Variants in BCAS3 observed in about 807,000 individuals in gnomAD.
The protein encoded by BCAS3 is BCAS3 microtubule associated cell migration factor, also known as BCAS4/BCAS3 fusion.
In BCAS3, 53 loss-of-function variants were observed where a neutral mutation model predicts 116.1. That is an observed-to-expected ratio of 0.46 (90% confidence interval 0.37 to 0.57). The LOEUF (loss-of-function observed/expected upper bound fraction) is 0.57, where lower values mean the gene tolerates loss of function less well. BCAS3 is among the 20% of genes least tolerant of loss of function. The probability of loss-of-function intolerance (pLI) is 0.00; values close to 1 mark genes in which losing one functional copy is unlikely to be tolerated. For synonymous variants in BCAS3, 391 were observed against 408.2 expected, an observed-to-expected ratio of 0.96 and a Z score of 0.51; for missense variants, 917 against 1,165.4, an observed-to-expected ratio of 0.79 and a Z score of 3.10.
intron 2 of BCAS3, among the ~76,000 whole-genome samples, chr17:60,680,697 G>T (rs567139370): frequency 6.6e-6 from 1 of 151,130 alleles, no homozygotes; most frequent in African/African-American, 2.4e-5. Context: ...GTGCAGTGGC[G>T]CCGTCTCGGC....
intron 22 of BCAS3, among the ~76,000 whole-genome samples, chr17:61,232,405 G>A (rs2082741640): frequency 6.6e-6 from 1 of 151,974 alleles, no homozygotes; most frequent in African/African-American, 2.4e-5. Context: ...AAAAGGTGGG[G>A]GGTGGGGAGT....
At chr17:61,253,081 G>A (rs986729068) in intron 22 of BCAS3, among the ~76,000 whole-genome samples, 3 of 151,222 alleles carry the variant, frequency 2.0e-5, no homozygotes, top group African/African-American at 7.3e-5. Context: ...CCACCATGTT[G>A]ACCAGGCTGG....
chr17:61,054,483 C>T (rs1426146752), intron 19 of BCAS3, among the ~76,000 whole-genome samples: 2 of 152,206 alleles, frequency 1.3e-5, no homozygotes, highest in Non-Finnish European at 2.9e-5. Context: ...TCTCGTGCCT[C>T]AGCCTCCTAA....
Position 60,989,961 on chromosome 17 carries a change from T to C in BCAS3, c.1222-10T>C. 3 of 1,607,060 alleles carry C rather than the reference T, an allele frequency of 1.9e-6. No individual in the cohort carries two copies. The highest frequency in any genetic ancestry group is 2.6e-6 in the Non-Finnish European group (3 of 1,174,604). ...AGACATTTTTGTATCTTTTCTTATCTCATTTCTAGGTACAGGACATCTGCT... is the reference window on the plus strand; with the variant it reads ...AGACATTTTTGTATCTTTTCTTATCCCATTTCTAGGTACAGGACATCTGCT... On this transcript the variant is annotated splice_polypyrimidine_tract_variant and intron_variant, in intron 14 of 23. Coordinates refer to ENST00000407086, the MANE Select transcript of BCAS3 (RefSeq NM_017679.5).
intron 4 of BCAS3, among the ~76,000 whole-genome samples, chr17:60,692,441 A>T (rs1422673029): frequency 6.6e-6 from 1 of 152,012 alleles, no homozygotes; most frequent in African/African-American, 2.4e-5. Flanking sequence ...ACGGGGTTTC[A>T]TCATGTTAGC....
In BCAS3 at chr17:61,169,659, A is replaced by T. The variant is rs1051205674; in HGVS notation, c.2425+85095A>T. Among the ~76,000 whole-genome samples, 23 of 152,176 alleles carry T rather than the reference A, an allele frequency of 1.5e-4. 1 individual carries two copies. The highest frequency in any genetic ancestry group is 5.5e-4 in the African/African-American group (23 of 41,448). ...TAAACAGAAAGTCAGAAAAATTGTT[A>T]TACTTTTTCATTTGTTAAACATATT... is the stretch of plus-strand genomic sequence containing the variant. On this transcript the variant is annotated intron_variant, in intron 22 of 23. Coordinates refer to ENST00000407086, the MANE Select transcript of BCAS3 (RefSeq NM_017679.5).
Position 61,259,368 on chromosome 17 carries a change from A to G in BCAS3, c.2426-108959A>G, listed in dbSNP as rs2049020391. On this transcript the variant is annotated intron_variant, in intron 22 of 23. Coordinates refer to ENST00000407086, the MANE Select transcript of BCAS3 (RefSeq NM_017679.5). This position sits in a 1 kb window ranked among gnomAD's most constrained non-coding sequence, Gnocchi z 4.7. ...CCAGGGTTATGGTCAGGGTTCCAGTATGGTTTGTGCTTTTGTTCCTTCTTG... is the reference window on the plus strand; with the variant it reads ...CCAGGGTTATGGTCAGGGTTCCAGTGTGGTTTGTGCTTTTGTTCCTTCTTG... Among the ~76,000 whole-genome samples the G allele has an allele frequency of 6.6e-6, 1 of 152,092 alleles. No individual in the cohort carries two copies. The highest frequency in any genetic ancestry group is 1.5e-5 in the Non-Finnish European group (1 of 68,018).
chr17:61,335,500 C>T (rs975997052), intron 22 of BCAS3, among the ~76,000 whole-genome samples: 3 of 152,168 alleles, frequency 2.0e-5, no homozygotes, highest in Non-Finnish European at 4.4e-5. Flanking sequence ...GCTCAGAGCT[C>T]CGGGGAGTCA....
In BCAS3 at chr17:61,037,601, A is replaced by G. The variant is rs756291416; in HGVS notation, c.1763-288A>G. Among the ~76,000 whole-genome samples, 12 of 152,186 alleles carry G rather than the reference A, an allele frequency of 7.9e-5. No homozygotes were observed. Among genetic ancestry groups the G allele is most frequent in the Non-Finnish European group, 1.5e-4 (10 of 67,978 alleles). On this transcript the variant is annotated intron_variant, in intron 17 of 23. Transcript: ENST00000407086. The surrounding 1 kb of genome is among the most constrained non-coding windows in gnomAD (Gnocchi z 4.7). Reference sequence around the variant, plus strand: ...AGCCTGACCAACACGGCGAAACCCTATCTCTACTAAAAATACAAAAATTAG... The same window carrying G: ...AGCCTGACCAACACGGCGAAACCCTGTCTCTACTAAAAATACAAAAATTAG...
chr17:61,216,440 G>A (rs1485827990), intron 22 of BCAS3, among the ~76,000 whole-genome samples: 2 of 152,226 alleles, frequency 1.3e-5, no homozygotes, highest in Admixed American at 6.5e-5. Context: ...AGCTCAAATC[G>A]ACATATCAAA....
Position 61,171,830 on chromosome 17 carries a change from A to T in BCAS3, c.2425+87266A>T, listed in dbSNP as rs1379338604. On this transcript the variant is annotated intron_variant, in intron 22 of 23. Coordinates refer to ENST00000407086, the MANE Select transcript of BCAS3 (RefSeq NM_017679.5). The surrounding 1 kb of genome is among the most constrained non-coding windows in gnomAD (Gnocchi z 4.1). ...TTTTTTTTTGTAGAAATGGAGTCTC[A>T]CTGTGTTGTTCGGGCTGTTCTTGAA... Among the ~76,000 whole-genome samples, 2 of 150,316 alleles carry T rather than the reference A, an allele frequency of 1.3e-5. No individual in the cohort carries two copies. The highest frequency in any genetic ancestry group is 3.0e-5 in the Non-Finnish European group (2 of 67,776).
rs914433598 is a variant in BCAS3 at position 61,051,700 on chromosome 17, T to C, written c.2029+10808T>C. Among the ~76,000 whole-genome samples the C allele has an allele frequency of 1.2e-4, 19 of 152,180 alleles. No homozygotes were observed. Among genetic ancestry groups the C allele is most frequent in the Non-Finnish European group, 1.5e-5 (1 of 68,032 alleles). ...GTGGCCTCCAACTCCTGAACTTGAG[T>C]GATCCTCCTGCCTCAGCCTCCTGAG... On this transcript the variant is annotated intron_variant, in intron 19 of 23. Coordinates refer to ENST00000407086, the MANE Select transcript of BCAS3 (RefSeq NM_017679.5). The surrounding 1 kb of genome is among the most constrained non-coding windows in gnomAD (Gnocchi z 4.1).
rs142538219 is a variant in BCAS3 at position 61,141,781 on chromosome 17, G to A, written c.2425+57217G>A. Among the ~76,000 whole-genome samples, 708 of 151,724 alleles carry A rather than the reference G, an allele frequency of 4.7e-3. 9 individuals carry two copies. The highest frequency in any genetic ancestry group is 0.016 in the African/African-American group (673 of 41,326). ...CTGGGCGTGGTGGCGCACGCCTGTA[G>A]TCCCAACTACTCAGGAGGCTGAGGC... On this transcript the variant is annotated intron_variant, in intron 22 of 23. Coordinates refer to ENST00000407086, the MANE Select transcript of BCAS3 (RefSeq NM_017679.5). The surrounding 1 kb of genome is among the most constrained non-coding windows in gnomAD (Gnocchi z 4.3).
rs1009659401 is a variant in BCAS3 at position 61,073,697 on chromosome 17, T to C, written c.2030-1223T>C. Among the ~76,000 whole-genome samples, 1 of 152,200 alleles carries C rather than the reference T, an allele frequency of 6.6e-6. No individual in the cohort carries two copies. The highest frequency in any genetic ancestry group is 1.5e-5 in the Non-Finnish European group (1 of 68,034). On this transcript the variant is annotated intron_variant, in intron 19 of 23. Transcript: ENST00000407086. The surrounding 1 kb of genome is among the most constrained non-coding windows in gnomAD (Gnocchi z 4.6). ...TATGAGGGTTTTCAGCTTCTCATTC[T>C]TTTCTATTTCTTCCACACTTCTTTA...
Position 61,276,583 on chromosome 17 carries a change from C to T in BCAS3, c.2426-91744C>T, listed in dbSNP as rs190266436. ...TACTCCATGTTTATAGATCAGAAGA[C>T]AAAATTGTTAAGACGGCAGTGCTCC... On this transcript the variant is annotated intron_variant, in intron 22 of 23. Coordinates refer to ENST00000407086, the MANE Select transcript of BCAS3 (RefSeq NM_017679.5). The surrounding 1 kb of genome is among the most constrained non-coding windows in gnomAD (Gnocchi z 4.2). Among the ~76,000 whole-genome samples the T allele has an allele frequency of 6.6e-6, 1 of 152,210 alleles. No homozygotes were observed. Among genetic ancestry groups the T allele is most frequent in the African/African-American group, 2.4e-5 (1 of 41,544 alleles).
chr17:60,740,575 A>G (rs1013476232), intron 5 of BCAS3, among the ~76,000 whole-genome samples: 2 of 151,200 alleles, frequency 1.3e-5, no homozygotes, highest in Admixed American at 1.3e-4. Context: ...GGTAAATGGG[A>G]CGTTAGTAAT....
Position 61,316,027 on chromosome 17 carries a change from A to G in BCAS3, c.2426-52300A>G, listed in dbSNP as rs566302163. Among the ~76,000 whole-genome samples, 15 of 152,256 alleles carry G rather than the reference A, an allele frequency of 9.9e-5. No homozygotes were observed. The highest frequency in any genetic ancestry group is 6.2e-4 in the South Asian group (3 of 4,814). On this transcript the variant is annotated intron_variant, in intron 22 of 23. Transcript: ENST00000407086. The surrounding 1 kb of genome is among the most constrained non-coding windows in gnomAD (Gnocchi z 5.8). ...TGACCATCTATAGCAGGTGCTGGCC[A>G]GGCGTGGTGGCTCACACCTTTGATC...
chr17:60,731,848 G>A (rs1030824263), intron 5 of BCAS3, among the ~76,000 whole-genome samples: 10 of 148,342 alleles, frequency 6.7e-5, no homozygotes, highest in African/African-American at 1.8e-4. Flanking sequence ...GCATGATCTC[G>A]GCTCACTGCA....
chr17:60,898,560 G>C (rs1487236506), intron 10 of BCAS3, among the ~76,000 whole-genome samples: 1 of 152,124 alleles, frequency 6.6e-6, no homozygotes, highest in Non-Finnish European at 1.5e-5. Context: ...GGGATGCCAG[G>C]TTGACTGGTC....
Sources: gnomAD v4.1 joint callset for allele counts (sites outside exome capture counted in the v4.1 genomes callset) on GRCh38, gnomAD v4.1.1 for gene constraint, Gnocchi (gnomAD v3.1) non-coding constraint, MANE v1.5 for transcripts, NCBI Gene and HGNC (gene_info 2026-07-23, HGNC 2026-07-21) for gene names.